Variants in DCDC2 observed in about 807,000 individuals in gnomAD.
The protein encoded by DCDC2 is doublecortin domain-containing protein 2.
A neutral mutation model predicts 50.2 loss-of-function variants in DCDC2; 40 were observed. The ratio of observed to expected loss-of-function variants is 0.80; its 90% CI spans 0.62 to 1.04. The LOEUF is 1.04. Ranked by LOEUF, DCDC2 falls within the 50% of genes least tolerant of loss-of-function variation. The pLI is 0.00. For synonymous variants in DCDC2, 234 were observed against 210.6 expected, an observed-to-expected ratio of 1.11 and a Z score of -0.96; for missense variants, 570 against 581.9, an observed-to-expected ratio of 0.98 and a Z score of 0.21.
upstream of DCDC2, among the ~76,000 whole-genome samples, chr6:24,359,964 G>T (rs1292078253): frequency 2.0e-5 from 3 of 152,194 alleles, no homozygotes; most frequent in African/African-American, 7.2e-5. Context: ...AGTACCTACC[G>T]ACACTCGCGT....
intron 1 of DCDC2, among the ~76,000 whole-genome samples, chr6:24,354,834 A>G (rs1760436403): frequency 6.6e-6 from 1 of 152,190 alleles, no homozygotes; most frequent in African/African-American, 2.4e-5. Flanking sequence ...AGGGTTTAAT[A>G]GCTACCTGAT....
chr6:24,179,192 C>T (rs540627291), intron 8 of DCDC2, among the ~76,000 whole-genome samples: 20 of 152,228 alleles, frequency 1.3e-4, no homozygotes, highest in African/African-American at 4.8e-4. Context: ...TCTCTCTAAA[C>T]ACAATAACTG....
chr6:24,225,136 A>T (rs1762201709), intron 7 of DCDC2, among the ~76,000 whole-genome samples: 1 of 152,086 alleles, frequency 6.6e-6, no homozygotes, highest in Non-Finnish European at 1.5e-5. Context: ...CCATACCCAG[A>T]TTTTTATAAG....
At chr6:24,319,349 G>C (rs1344856535) in intron 2 of DCDC2, among the ~76,000 whole-genome samples, 2 of 151,618 alleles carry the variant, frequency 1.3e-5, no homozygotes, top group African/African-American at 4.8e-5. Flanking sequence ...AGTCCCCTGT[G>C]GGATGCATAG....
In DCDC2 at chr6:24,177,198, A is replaced by G. The variant is rs761977545; in HGVS notation, c.1326+1132T>C. ...TGACGCTGAGGACTATGTAGAACTA[A>G]TATGGGGAATTTCTTATAGAATAGG... On this transcript the variant is annotated intron_variant, in intron 9 of 9. Coordinates refer to ENST00000378454, the MANE Select transcript of DCDC2 (RefSeq NM_016356.5). Among the ~76,000 whole-genome samples the G allele has an allele frequency of 1.8e-4, 28 of 152,226 alleles. 1 individual carries two copies. The highest frequency in any genetic ancestry group is 8.8e-5 in the Non-Finnish European group (6 of 68,042).
upstream of DCDC2, chr6:24,358,331 C>CGGTG (rs1760522678): frequency 5.8e-6 from 1 of 172,608 alleles, no homozygotes; most frequent in African/African-American, 2.4e-5. Flanking sequence ...ATGTGCAAAG[C>CGGTG]CAGATGCGGT....
intron 2 of DCDC2, among the ~76,000 whole-genome samples, chr6:24,319,494 G>A (rs1759733893): frequency 6.6e-6 from 1 of 151,660 alleles, no homozygotes; most frequent in Admixed American, 6.6e-5. Context: ...CTTTTTCTCT[G>A]GTCCTTGATT....
chr6:24,245,118 C>T (rs1050544568), intron 7 of DCDC2, among the ~76,000 whole-genome samples: 6 of 152,116 alleles, frequency 3.9e-5, no homozygotes, highest in African/African-American at 1.2e-4. Flanking sequence ...CACTTGAACC[C>T]GGGAGATAGA....
intron 7 of DCDC2, among the ~76,000 whole-genome samples, chr6:24,209,196 A>C (rs755397025): frequency 6.6e-6 from 1 of 152,230 alleles, no homozygotes; most frequent in Non-Finnish European, 1.5e-5. Flanking sequence ...CCTGCTTGCA[A>C]GTATAGATTC....
chr6:24,275,031 T>C (rs538250437), intron 7 of DCDC2, among the ~76,000 whole-genome samples: 1 of 147,672 alleles, frequency 6.8e-6, no homozygotes, highest in East Asian at 1.9e-4. Context: ...AAAACCAAAT[T>C]TTTGCATTTT....
intron 2 of DCDC2, among the ~76,000 whole-genome samples, chr6:24,321,029 C>A (rs1759765523): frequency 6.7e-6 from 1 of 149,892 alleles, no homozygotes; most frequent in African/African-American, 2.5e-5. Context: ...TTCTCAGTGG[C>A]CAAATCAAGA....
At chr6:24,296,546 G>A (rs1257582353) in intron 4 of DCDC2, among the ~76,000 whole-genome samples, 1 of 151,966 alleles carries the variant, frequency 6.6e-6, no homozygotes, top group Non-Finnish European at 1.5e-5. Context: ...CTACAGAATG[G>A]GAGAAACTTT....
chr6:24,227,247 T>A (rs1012327392), intron 7 of DCDC2, among the ~76,000 whole-genome samples: 1 of 152,134 alleles, frequency 6.6e-6, no homozygotes, highest in Non-Finnish European at 1.5e-5. Context: ...GATGCCAGTT[T>A]TGTGACTCAG....
upstream of DCDC2, among the ~76,000 whole-genome samples, chr6:24,359,180 TTATATATTTTATATATTA>T (rs1561789151): frequency 1.6e-4 from 8 of 50,326 alleles, no homozygotes; most frequent in East Asian, 6.8e-4. Context: ...TATATATATT[TTATATATTTTATATATTA>T]TATATATTTT....
At chr6:24,196,697 T>C (rs793853) in intron 8 of DCDC2, among the ~76,000 whole-genome samples, 88,420 of 152,114 alleles carry the variant, frequency 0.58, 28,337 homozygotes, top group Non-Finnish European at 0.69. Context: ...AATGCTGGGA[T>C]TACAGGCATG....
At chr6:24,380,449 C>T in the DCDC2 span, among the ~76,000 whole-genome samples, 21 of 152,124 alleles carry the variant, frequency 1.4e-4, 1 homozygote, top group South Asian at 3.5e-3. Context: ...AAGCAAGTGG[C>T]GAATGAAGAA....
chr6:24,180,136 T>G (rs868538922), intron 8 of DCDC2, among the ~76,000 whole-genome samples: 69 of 152,106 alleles, frequency 4.5e-4, no homozygotes, highest in African/African-American at 1.6e-3. Context: ...CCATGAAGAT[T>G]AAAGAAAAGT....
At chr6:24,355,619 A>G (rs1760453038) in intron 1 of DCDC2, among the ~76,000 whole-genome samples, 1 of 152,212 alleles carries the variant, frequency 6.6e-6, no homozygotes, top group Admixed American at 6.5e-5. Flanking sequence ...AGAGCTGATG[A>G]GCAACTCAGT....
At chr6:24,177,690 T>C (rs1260589687) in intron 9 of DCDC2, among the ~76,000 whole-genome samples, 1 of 152,212 alleles carries the variant, frequency 6.6e-6, no homozygotes, top group African/African-American at 2.4e-5. Flanking sequence ...GGATCAGACA[T>C]AGAAGAACAG....
Sources: allele counts gnomAD v4.1 joint callset (sites outside exome capture counted in the v4.1 genomes callset), GRCh38; gene constraint gnomAD v4.1.1; transcripts MANE v1.5; gene names NCBI Gene and HGNC (gene_info 2026-07-23, HGNC 2026-07-21).